Variants in CIT observed in about 807,000 individuals in gnomAD.
The protein encoded by CIT is citron rho-interacting serine/threonine kinase, also known as citron Rho-interacting kinase.
In CIT, 79 loss-of-function variants were observed where a neutral mutation model predicts 272.7. That is an observed-to-expected ratio of 0.29 (90% CI 0.24 to 0.35). CIT has a LOEUF of 0.35. Among genes scored for constraint, CIT ranks in the 10% least tolerant of loss-of-function variants. CIT has a pLI of 1.00. For synonymous variants in CIT, 948 were observed against 995.6 expected (o/e 0.95, Z 0.90); for missense variants, 1,909 against 2,618.3 (o/e 0.73, Z 5.91).
chr12:119,785,099 G>A, intron 10 of CIT, 34 bp from the exon 11 acceptor site: 1 of 1,608,524 alleles, frequency 6.2e-7, no homozygotes, highest in Non-Finnish European at 8.5e-7. Context: ...AAGGGGGCCT[G>A]CAGGTGGGCC....
rs1324499307 is a variant in CIT, at chr12:119,802,094, C to T, written c.1295+1112G>A. ...GAACCAACATAACATCCCTATAAATCGATATCTAAGCTACAAATACCACAA... is the reference window on the plus strand; with the variant it reads ...GAACCAACATAACATCCCTATAAATTGATATCTAAGCTACAAATACCACAA... On this transcript the variant is annotated intron_variant, in intron 10 of 47. Transcript: ENST00000392521. 2.6e-5 allele frequency among the ~76,000 whole-genome samples: 4 copies of T among 152,250 alleles called. No individual in the cohort carries two copies. The East Asian group carries it at 5.8e-4, about 22-fold the overall frequency.
At chr12:119,800,232 G>A (rs1283547017) in intron 10 of CIT, among the ~76,000 whole-genome samples, 1 of 152,120 alleles carries the variant, frequency 6.6e-6, no homozygotes, top group Non-Finnish European at 1.5e-5. Context: ...AGGAAAAGAA[G>A]CATCAGACAG....
chr12:119,744,750 G>A (rs561917682), intron 23 of CIT, among the ~76,000 whole-genome samples: 1 of 147,878 alleles, frequency 6.8e-6, no homozygotes, highest in East Asian at 2.0e-4. Flanking sequence ...TAAGATAACT[G>A]AGTCAAAAAT....
intron 28 of CIT, among the ~76,000 whole-genome samples, chr12:119,724,297 GTTATT>G (rs1396215541): frequency 6.6e-6 from 1 of 152,128 alleles, no homozygotes; most frequent in African/African-American, 2.4e-5. Context: ...TTAAACATTA[GTTATT>G]TTAATTATTA....
chr12:119,791,268 G>A (rs572178375), intron 10 of CIT, among the ~76,000 whole-genome samples: 12 of 152,302 alleles, frequency 7.9e-5, no homozygotes, highest in African/African-American at 2.9e-4. Flanking sequence ...GAAAGGGAGA[G>A]CGGAACATGT....
chr12:119,832,884 A>G lies in CIT; in HGVS notation c.660-20T>C. On this transcript the variant is annotated intron_variant, in intron 6 of 47. Coordinates refer to ENST00000392521, the MANE Select transcript of CIT (RefSeq NM_001206999.2). ...ATGTCTCTGTAAGAAAATCAGGACC[A>G]TGAATTGCCTCCTCCATCCCAATCA... The G allele has an allele frequency of 6.4e-7, 1 of 1,571,458 alleles. No individual in the cohort carries two copies. Among genetic ancestry groups the G allele is most frequent in the Non-Finnish European group, 8.8e-7 (1 of 1,141,378 alleles).
chr12:119,842,864 T>C (rs1194042074), intron 5 of CIT, among the ~76,000 whole-genome samples: 3 of 152,216 alleles, frequency 2.0e-5, no homozygotes, highest in Non-Finnish European at 4.4e-5. Flanking sequence ...GCACATCAAA[T>C]TTCTATGAAA....
rs765388377 is a variant in CIT at position 119,770,846 on chromosome 12, C to A, written c.2147G>T (p.Arg716Ile). ...TTTTGTCTGGATGTCATCCTTCAGT[C>A]TGTTTTCTCTACGCTCCATGGTCTC... ...RLETMERREN[R>I]LKDDIQTKSQ... Residue 716 changes from arginine to isoleucine, a missense_variant, in exon 18 of 48, where the codon AGA becomes ATA. Coordinates refer to ENST00000392521, the MANE Select transcript of CIT (RefSeq NM_001206999.2). This position sits in a 1 kb window ranked among gnomAD's most constrained non-coding sequence, Gnocchi z 4.4. 8.1e-6 allele frequency: 13 copies of A among 1,612,892 alleles called. No homozygotes were observed. The highest frequency in any genetic ancestry group is 7.6e-6 in the Non-Finnish European group (9 of 1,179,872).
chr12:119,709,952 G>C (rs944619733), intron 39 of CIT, among the ~76,000 whole-genome samples: 1 of 152,110 alleles, frequency 6.6e-6, no homozygotes, highest in African/African-American at 2.4e-5. Flanking sequence ...CGGTGGTTTC[G>C]TTGCAATCAG....
chr12:119,698,467 G>A (rs55949647), intron 44 of CIT, among the ~76,000 whole-genome samples: 6,492 of 152,066 alleles, frequency 0.043, 448 homozygotes, highest in African/African-American at 0.15. Flanking sequence ...GTGTACACCT[G>A]TAATCCCAGC....
At chr12:119,739,384 T>C (rs1413444475) in intron 24 of CIT, among the ~76,000 whole-genome samples, 1 of 152,150 alleles carries the variant, frequency 6.6e-6, no homozygotes, top group Non-Finnish European at 1.5e-5. Context: ...CTCCTATCAA[T>C]TGAGTTATTA....
At chr12:119,833,542 G>A (rs573654611) in intron 6 of CIT, among the ~76,000 whole-genome samples, 2 of 151,828 alleles carry the variant, frequency 1.3e-5, no homozygotes, top group Admixed American at 1.3e-4. Context: ...GTGCGTGCCT[G>A]TAATTCCAGC....
At chr12:119,740,341 G>A (rs1170233879) in intron 24 of CIT, among the ~76,000 whole-genome samples, 1 of 152,106 alleles carries the variant, frequency 6.6e-6, no homozygotes, top group Non-Finnish European at 1.5e-5. Context: ...GAATTACAAA[G>A]GGGTATAAGG....
intron 10 of CIT, among the ~76,000 whole-genome samples, chr12:119,790,598 G>A (rs1052769082): frequency 2.6e-4 from 39 of 152,040 alleles, no homozygotes; most frequent in African/African-American, 9.2e-4. Context: ...ACCCAGAGAG[G>A]GAGAGAGAGA....
chr12:119,693,500 T>C (rs1253002803), intron 46 of CIT, among the ~76,000 whole-genome samples: 2 of 152,200 alleles, frequency 1.3e-5, no homozygotes, highest in Non-Finnish European at 2.9e-5. Flanking sequence ...TGAGAGACTA[T>C]ATAATCTCAA....
intron 3 of CIT, among the ~76,000 whole-genome samples, chr12:119,867,027 G>A (rs968647670): frequency 1.3e-5 from 2 of 152,062 alleles, no homozygotes; most frequent in African/African-American, 4.8e-5. Flanking sequence ...GAGAGGCCCA[G>A]CTGGGCCCAG....
chr12:119,757,317 T>G, intron 22 of CIT, 54 bp downstream of exon 22: 1 of 1,603,604 alleles, frequency 6.2e-7, no homozygotes, highest in Non-Finnish European at 8.5e-7. Flanking sequence ...GCTGACTTGT[T>G]CAGAGCCCGA....
intron 39 of CIT, among the ~76,000 whole-genome samples, chr12:119,709,850 GA>G (rs1452397883): frequency 2.7e-5 from 4 of 148,612 alleles, no homozygotes; most frequent in African/African-American, 9.9e-5. Context: ...AGAAGACAGA[GA>G]AAAAAATTAT....
intron 13 of CIT, 65 bp downstream of exon 13, chr12:119,782,453 C>A (rs961922419): frequency 2.1e-5 from 34 of 1,582,646 alleles, no homozygotes; most frequent in Middle Eastern, 2.1e-4. Flanking sequence ...TCAAACACGC[C>A]TCTCCTGAAA....
Sources: allele counts gnomAD v4.1 joint callset (sites outside exome capture counted in the v4.1 genomes callset), GRCh38; gene constraint gnomAD v4.1.1; non-coding constraint Gnocchi (gnomAD v3.1); transcripts MANE v1.5; gene names NCBI Gene and HGNC (gene_info 2026-07-23, HGNC 2026-07-21).